Variants in FZD6 observed in about 807,000 individuals in gnomAD.
The protein encoded by FZD6 is frizzled-6.
In FZD6, 49 loss-of-function variants were observed where a neutral mutation model predicts 61.4. That is an observed-to-expected ratio of 0.80 (90% CI 0.63 to 1.01). FZD6 has a LOEUF of 1.01. FZD6 is among the 50% of genes least tolerant of loss of function. The pLI is 0.00. For synonymous variants in FZD6, 265 were observed against 292.2 expected (o/e 0.91, Z 0.95); for missense variants, 724 against 848.2 (o/e 0.85, Z 1.82).
intron 1 of FZD6, among the ~76,000 whole-genome samples, chr8:103,299,559 T>A (rs1037630052): frequency 6.6e-5 from 10 of 152,190 alleles, no homozygotes; most frequent in Admixed American, 1.3e-4. Context: ...TTAAGAACTC[T>A]TTGGGTCTTA....
At chr8:103,301,605 TATG>T (rs1301105522) in intron 2 of FZD6, among the ~76,000 whole-genome samples, 1 of 152,156 alleles carries the variant, frequency 6.6e-6, no homozygotes, top group East Asian at 1.9e-4. Flanking sequence ...GGGGTCTTAC[TATG>T]TTGCCCAGGC....
Position 103,329,669 on chromosome 8 carries a change from G to A in FZD6, c.1556G>A (p.Ser519Asn). 1 of 1,608,402 alleles carries A rather than the reference G, an allele frequency of 6.2e-7. No individual in the cohort carries two copies. Among genetic ancestry groups the A allele is most frequent in the East Asian group, 2.2e-5 (1 of 44,846 alleles). ...TTTTCTTATAGTCCAATCAGTGAAA[G>A]TCGAAGAGTACTACAGGAATCATGT... ...RNRKRDPISESRRVLQESCEF... is the reference protein window; with the variant it reads ...RNRKRDPISENRRVLQESCEF... The change falls in exon 6 of 7, where the codon AGT becomes AAT. Residue 519 changes from serine to asparagine, a missense_variant. Ser to Asn is a conservative substitution (Grantham distance 46). Coordinates refer to ENST00000358755, the MANE Select transcript of FZD6 (RefSeq NM_003506.4).
At chr8:103,318,259 A>G (rs1025227918) in intron 2 of FZD6, among the ~76,000 whole-genome samples, 1 of 152,208 alleles carries the variant, frequency 6.6e-6, no homozygotes, top group Non-Finnish European at 1.5e-5. Flanking sequence ...AAGGGGCCTC[A>G]AGAGGAAGCT....
chr8:103,299,623 G>C (rs1354221347), intron 1 of FZD6, among the ~76,000 whole-genome samples: 1 of 152,136 alleles, frequency 6.6e-6, no homozygotes, highest in Admixed American at 6.5e-5. Context: ...TCCAACAGGG[G>C]CCCTTAGATT....
In FZD6 at chr8:103,305,100, C is replaced by T. The variant is rs185878050; in HGVS notation, c.177+4816C>T. On this transcript the variant is annotated intron_variant, in intron 2 of 6. Coordinates refer to ENST00000358755, the MANE Select transcript of FZD6 (RefSeq NM_003506.4). ...ATGGCTACTGGTTTTCCATTGTGTTCCTTTTGTTTCATATCTAGAGCATTG... is the reference window on the plus strand; with the variant it reads ...ATGGCTACTGGTTTTCCATTGTGTTTCTTTTGTTTCATATCTAGAGCATTG... Among the ~76,000 whole-genome samples the T allele has an allele frequency of 3.2e-3, 485 of 152,288 alleles. 2 individuals are homozygous for T. The highest frequency in any genetic ancestry group is 0.011 in the African/African-American group (465 of 41,544).
intron 4 of FZD6, 109 bp from the exon 5 acceptor site, chr8:103,328,159 G>T (rs1042392656): frequency 7.3e-6 from 6 of 821,194 alleles, no homozygotes; most frequent in African/African-American, 1.7e-5. Flanking sequence ...AACCTTTTTA[G>T]TAAAACAGTT....
rs1360394003 is a variant in FZD6, at chr8:103,300,134, G to C, written c.27G>C (p.Thr9=). The change falls in exon 2 of 7, where the codon ACG becomes ACC. Residue 9 remains threonine, a synonymous_variant. Transcript: ENST00000358755. MEMFTFLL[T]CIFLPLLRGH... is the part of the protein sequence containing the mutation. ...TGGAAATGTTTACATTTTTGTTGAC[G>C]TGTATTTTTCTACCCCTCCTAAGAG... 3 of 1,601,008 alleles carry C rather than the reference G, an allele frequency of 1.9e-6. No individual in the cohort carries two copies. Among genetic ancestry groups the C allele is most frequent in the Non-Finnish European group, 2.6e-6 (3 of 1,168,078 alleles).
At chr8:103,319,489 G>A (rs1814721961) in intron 3 of FZD6, among the ~76,000 whole-genome samples, 1 of 152,210 alleles carries the variant, frequency 6.6e-6, no homozygotes, top group Non-Finnish European at 1.5e-5. Context: ...CATGGCACCT[G>A]TGTCAGTCTC....
chr8:103,299,902 C>T (rs1814102367), intron 1 of FZD6, 54 bp from the exon 2 acceptor site: 2 of 533,018 alleles, frequency 3.8e-6, no homozygotes, highest in Non-Finnish European at 6.8e-6. Flanking sequence ...ACTTTGACTC[C>T]ACATTTGAGT....
chr8:103,302,168 T>C (rs1011436583), intron 2 of FZD6, among the ~76,000 whole-genome samples: 4 of 151,984 alleles, frequency 2.6e-5, no homozygotes, highest in African/African-American at 9.7e-5. Context: ...AAGGCAAAAA[T>C]AATGTCACCC....
chr8:103,329,730 C>A lies in FZD6; in HGVS notation c.1617C>A (p.His539Gln). ...TAAAGCACAATTCTAAAGTTAAACA[C>A]AAAAAGAAGCACTATAAACCAAGTT... ...FFLKHNSKVKHKKKHYKPSSH... is the reference protein window; with the variant it reads ...FFLKHNSKVKQKKKHYKPSSH... The change falls in exon 6 of 7, where the codon CAC becomes CAA. Residue 539 changes from histidine (H) to glutamine (Q), a missense_variant. Coordinates refer to ENST00000358755, the MANE Select transcript of FZD6 (RefSeq NM_003506.4). The A allele has an allele frequency of 6.2e-7, 1 of 1,612,058 alleles. No individual in the cohort carries two copies. Among genetic ancestry groups the A allele is most frequent in the Non-Finnish European group, 8.5e-7 (1 of 1,178,498 alleles).
chr8:103,314,524 C>G (rs1814579608), intron 2 of FZD6, among the ~76,000 whole-genome samples: 1 of 152,134 alleles, frequency 6.6e-6, no homozygotes, highest in Non-Finnish European at 1.5e-5. Context: ...CTCCAAGTTC[C>G]TGTGAGGTGA....
At chr8:103,319,278 G>A (rs758230082) in intron 3 of FZD6, among the ~76,000 whole-genome samples, 55 of 152,116 alleles carry the variant, frequency 3.6e-4, no homozygotes, top group Non-Finnish European at 5.9e-4. Context: ...GAGGGAGCAT[G>A]GCATATACAG....
At chr8:103,317,419 G>A (rs554403109) in intron 2 of FZD6, among the ~76,000 whole-genome samples, 1 of 152,300 alleles carries the variant, frequency 6.6e-6, no homozygotes, top group Admixed American at 6.5e-5. Flanking sequence ...TTGGAAAATT[G>A]ACTGTAAGAT....
At position 103,332,658 on chromosome 8, in the gene FZD6, A is replaced by G. The variant is rs1815176013; in HGVS notation, c.*1149A>G. ...CCTATTAAGTATTATTCTTTGGGCA[A>G]GATTTTCTGATGCTTTTGATTTTCT... On this transcript the variant is annotated 3_prime_UTR_variant, in exon 7 of 7. Transcript: ENST00000358755. The G allele has an allele frequency of 6.6e-6, 1 of 152,600 alleles. No homozygotes were observed. Among genetic ancestry groups the G allele is most frequent in the Non-Finnish European group, 1.5e-5 (1 of 68,020 alleles). 9.5% of individuals were successfully genotyped at this position (152,600 alleles called of 1,614,324 possible). A position where few individuals can be genotyped will look rare whatever the true frequency, so the allele number is the denominator to read the frequency against.
chr8:103,325,976 G>A (rs1814941704), intron 4 of FZD6, among the ~76,000 whole-genome samples: 1 of 151,862 alleles, frequency 6.6e-6, no homozygotes. Flanking sequence ...TTTCTCAATT[G>A]AAAAAAACAC....
intron 2 of FZD6, chr8:103,307,930 T>C: frequency 2.2e-6 from 1 of 456,088 alleles, no homozygotes; most frequent in Non-Finnish European, 4.4e-6. Flanking sequence ...TGAGGACAAC[T>C]CTTGGATGGA....
chr8:103,307,814 C>T (rs542716835), intron 2 of FZD6: 38 of 455,680 alleles, frequency 8.3e-5, no homozygotes, highest in South Asian at 2.3e-4. Context: ...CTCATAGAAT[C>T]GCCAGGTGGG....
intron 2 of FZD6, among the ~76,000 whole-genome samples, chr8:103,302,575 A>G (rs1003359487): frequency 6.6e-6 from 1 of 152,156 alleles, no homozygotes; most frequent in African/African-American, 2.4e-5. Flanking sequence ...CTCTGTCTAC[A>G]TGGACCATAA....
Sources: allele counts gnomAD v4.1 joint callset (sites outside exome capture counted in the v4.1 genomes callset), GRCh38; gene constraint gnomAD v4.1.1; transcripts MANE v1.5; gene names NCBI Gene and HGNC (gene_info 2026-07-23, HGNC 2026-07-21).